VTA1: variants seen among roughly 807,000 people sequenced by gnomAD.
VTA1 encodes the protein vesicle trafficking 1.
In VTA1, 24 loss-of-function variants were observed where a neutral mutation model predicts 36.9. The observed-to-expected ratio is 0.65, with a 90% CI of 0.47 to 0.91. The LOEUF (loss-of-function observed/expected upper bound fraction) is 0.91, where lower values mean the gene tolerates loss of function less well. VTA1 is among the 40% of genes least tolerant of loss of function. The pLI, the probability that VTA1 is intolerant of heterozygous loss-of-function variation, is 0.00. For synonymous variants in VTA1, 142 were observed against 130.2 expected (o/e 1.09, Z -0.62); for missense variants, 393 against 377.2 (o/e 1.04, Z -0.35).
rs775886046 is a variant in VTA1, at chr6:142,163,248, C to T, written c.113-2980C>T. ...CACACTTCCAAGGTTGCTTTGTAGCCCAAGATAGGTACTAGGGCTTCAGTC... is the reference window on the plus strand; with the variant it reads ...CACACTTCCAAGGTTGCTTTGTAGCTCAAGATAGGTACTAGGGCTTCAGTC... On this transcript the variant is annotated intron_variant, in intron 1 of 7. Transcript: ENST00000367630. Among the ~76,000 whole-genome samples, 25 of 151,764 alleles carry T rather than the reference C, an allele frequency of 1.6e-4. 1 individual carries two copies. Among genetic ancestry groups the T allele is most frequent in the Non-Finnish European group, 1.0e-4 (7 of 67,994 alleles).
intron 4 of VTA1, among the ~76,000 whole-genome samples, chr6:142,181,587 C>G (rs779410166): frequency 2.7e-5 from 4 of 150,868 alleles, no homozygotes; most frequent in Admixed American, 6.6e-5. Context: ...TTAAAACTTT[C>G]TGTAAATTTG....
At chr6:142,169,200 G>A (rs1447346647) in intron 2 of VTA1, among the ~76,000 whole-genome samples, 2 of 152,030 alleles carry the variant, frequency 1.3e-5, no homozygotes, top group East Asian at 3.9e-4. Flanking sequence ...TCTATTTTTA[G>A]GGTAACTTAT....
intron 1 of VTA1, among the ~76,000 whole-genome samples, chr6:142,152,518 C>A (rs1206642352): frequency 6.6e-6 from 1 of 151,996 alleles, no homozygotes; most frequent in Non-Finnish European, 1.5e-5. Context: ...CAATAGTCTA[C>A]TCTTCCTCAT....
At chr6:142,171,240 G>A (rs571969362) in intron 4 of VTA1, among the ~76,000 whole-genome samples, 11 of 152,072 alleles carry the variant, frequency 7.2e-5, no homozygotes, top group East Asian at 1.9e-4. Flanking sequence ...GATTACAGGC[G>A]GATGCCACGA....
intron 7 of VTA1, among the ~76,000 whole-genome samples, chr6:142,217,812 C>T (rs977949130): frequency 6.6e-6 from 1 of 150,994 alleles, no homozygotes; most frequent in African/African-American, 2.4e-5. Context: ...AATATATATT[C>T]AAGGAAATTC....
At chr6:142,198,727 T>C (rs1775619850) in intron 6 of VTA1, 112 bp downstream of exon 6, 1 of 1,001,676 alleles carries the variant, frequency 1.0e-6, no homozygotes, top group Non-Finnish European at 1.4e-6. Context: ...GACAAGTTCC[T>C]TGAATTCCAT....
intron 7 of VTA1, among the ~76,000 whole-genome samples, chr6:142,208,349 A>G (rs919280797): frequency 5.3e-5 from 8 of 152,172 alleles, no homozygotes; most frequent in African/African-American, 1.9e-4. Flanking sequence ...GAAGAAAAAA[A>G]TCAGTGAGCT....
At chr6:142,214,377 A>G (rs1204381192) in intron 7 of VTA1, among the ~76,000 whole-genome samples, 1 of 152,160 alleles carries the variant, frequency 6.6e-6, no homozygotes. Flanking sequence ...TCATTCAACA[A>G]GTCACGTGGA....
At chr6:142,190,354 T>C (rs1446384153) in intron 5 of VTA1, among the ~76,000 whole-genome samples, 1 of 152,216 alleles carries the variant, frequency 6.6e-6, no homozygotes, top group Non-Finnish European at 1.5e-5. Flanking sequence ...TCATTTTTTA[T>C]GAATTTACTA....
intron 5 of VTA1, 39 bp downstream of exon 5, chr6:142,189,573 A>T: frequency 6.5e-7 from 1 of 1,528,546 alleles, no homozygotes. Flanking sequence ...GACTTAGTAG[A>T]ATCATAATTA....
chr6:142,212,279 C>T (rs768129063), intron 7 of VTA1, among the ~76,000 whole-genome samples: 4 of 151,968 alleles, frequency 2.6e-5, no homozygotes, highest in African/African-American at 7.3e-5. Flanking sequence ...ATCTTGCTGT[C>T]GGTGAATGGA....
At chr6:142,162,020 T>C (rs1774818749) in intron 1 of VTA1, among the ~76,000 whole-genome samples, 1 of 152,194 alleles carries the variant, frequency 6.6e-6, no homozygotes, top group African/African-American at 2.4e-5. Context: ...CATATAATAA[T>C]GTCCTTGTAA....
Position 142,198,614 on chromosome 6 carries a change from A to G in VTA1, c.696A>G (p.Thr232=). 6.2e-7 allele frequency: 1 copy of G among 1,607,744 alleles called. No homozygotes were observed. Residue 232 remains threonine (T), a splice_region_variant and synonymous_variant, in exon 6 of 8, where the codon ACA becomes ACG. Coordinates refer to ENST00000367630, the MANE Select transcript of VTA1 (RefSeq NM_016485.5). ...CACCAGCAGAAGTGCCTCACAGCAC[A>G]GGTGGGAAACTGTAACTGAATGATT... ...ANTPAEVPHS[T]GVASNTIQPT...
At chr6:142,218,351 G>A (rs922883428) in intron 7 of VTA1, 147 bp from the exon 8 acceptor site, 4 of 763,964 alleles carry the variant, frequency 5.2e-6, no homozygotes, top group Non-Finnish European at 8.2e-6. Context: ...TGAAGAAAAT[G>A]TATCAAAGTT....
chr6:142,203,926 TG>T, intron 6 of VTA1, 58 bp from the exon 7 acceptor site: 2 of 1,392,778 alleles, frequency 1.4e-6, no homozygotes, highest in Non-Finnish European at 2.0e-6. Context: ...AGTGCTGCCC[TG>T]CTGTATAATT....
At chr6:142,183,639 G>A (rs1274682268) in intron 4 of VTA1, among the ~76,000 whole-genome samples, 2 of 152,112 alleles carry the variant, frequency 1.3e-5, no homozygotes, top group African/African-American at 2.4e-5. Context: ...TGTTTAATCA[G>A]CCAAAAGGAG....
At chr6:142,211,318 A>G (rs1775898352) in intron 7 of VTA1, among the ~76,000 whole-genome samples, 1 of 152,258 alleles carries the variant, frequency 6.6e-6, no homozygotes, top group Admixed American at 6.5e-5. Flanking sequence ...AGTAAAATAC[A>G]AAACTATAAA....
chr6:142,211,363 G>A (rs1280657219), intron 7 of VTA1, among the ~76,000 whole-genome samples: 1 of 152,124 alleles, frequency 6.6e-6, no homozygotes, highest in Non-Finnish European at 1.5e-5. Flanking sequence ...AAATCCAGAT[G>A]ACTTTGGGTT....
At chr6:142,163,524 T>C (rs867627299) in intron 1 of VTA1, among the ~76,000 whole-genome samples, 5 of 152,168 alleles carry the variant, frequency 3.3e-5, no homozygotes, top group Non-Finnish European at 7.4e-5. Context: ...TAAAGAGGTA[T>C]GTGAGAAATT....
Sources: allele counts gnomAD v4.1 joint callset (sites outside exome capture counted in the v4.1 genomes callset), GRCh38; gene constraint gnomAD v4.1.1; transcripts MANE v1.5; gene names NCBI Gene and HGNC (gene_info 2026-07-23, HGNC 2026-07-21).